NKAIN2: variants seen among roughly 807,000 people sequenced by gnomAD.
The protein encoded by NKAIN2 is sodium/potassium transporting ATPase interacting 2.
In NKAIN2, 14 loss-of-function variants were observed where a neutral mutation model predicts 32.6. The ratio of observed to expected loss-of-function variants is 0.43; its 90% CI spans 0.28 to 0.67. NKAIN2 has a LOEUF of 0.67. Ranked by LOEUF, NKAIN2 falls within the 30% of genes least tolerant of loss-of-function variation. The pLI, the probability that NKAIN2 is intolerant of heterozygous loss-of-function variation, is 0.17. For missense variants in NKAIN2, 198 were observed against 258.3 expected (o/e 0.77, Z 1.60); for synonymous variants, 80 against 87.2 (o/e 0.92, Z 0.46).
chr6:124,413,588 C>G (rs1001793990), intron 3 of NKAIN2, among the ~76,000 whole-genome samples: 4 of 152,192 alleles, frequency 2.6e-5, no homozygotes, highest in East Asian at 1.9e-4. Flanking sequence ...CTCAAAATAT[C>G]TTGCTGGGAT....
intron 3 of NKAIN2, among the ~76,000 whole-genome samples, chr6:124,492,596 T>C (rs541957725): frequency 1.0e-3 from 158 of 152,058 alleles, no homozygotes; most frequent in Middle Eastern, 3.4e-3. Context: ...TTATAACTGA[T>C]AAATAATATG....
chr6:124,186,182 A>AAAGGAAGG (rs796824897), intron 1 of NKAIN2, among the ~76,000 whole-genome samples: 1 of 147,912 alleles, frequency 6.8e-6, no homozygotes, highest in Non-Finnish European at 1.5e-5. Flanking sequence ...GGAAAGAAAG[A>AAAGGAAGG]AAGGAAGGAA....
At chr6:124,026,081 C>G (rs1781097417) in intron 1 of NKAIN2, among the ~76,000 whole-genome samples, 1 of 152,148 alleles carries the variant, frequency 6.6e-6, no homozygotes, top group African/African-American at 2.4e-5. Flanking sequence ...CATTAGATCC[C>G]ACCCCTTATT....
At chr6:124,378,929 A>G (rs995862564) in intron 3 of NKAIN2, among the ~76,000 whole-genome samples, 1 of 139,074 alleles carries the variant, frequency 7.2e-6, no homozygotes, top group African/African-American at 2.7e-5. Flanking sequence ...CTGACTCTAC[A>G]TTTTTTTTTT....
chr6:124,055,977 C>T (rs1782626815), intron 1 of NKAIN2, among the ~76,000 whole-genome samples: 1 of 152,064 alleles, frequency 6.6e-6, no homozygotes, highest in Non-Finnish European at 1.5e-5. Flanking sequence ...TCTCCTATCT[C>T]CAGAGAGCAG....
At chr6:124,311,110 A>G (rs1188314337) in intron 2 of NKAIN2, among the ~76,000 whole-genome samples, 3 of 151,976 alleles carry the variant, frequency 2.0e-5, no homozygotes. Flanking sequence ...ATTAGGAGAG[A>G]TTTTAATATG....
At chr6:124,367,451 G>A (rs560860444) in intron 3 of NKAIN2, among the ~76,000 whole-genome samples, 4 of 152,174 alleles carry the variant, frequency 2.6e-5, no homozygotes, top group East Asian at 3.9e-4. Context: ...CATCTCTCAC[G>A]TCGATTCCAG....
At chr6:124,416,688 A>G (rs911120276) in intron 3 of NKAIN2, among the ~76,000 whole-genome samples, 1 of 152,148 alleles carries the variant, frequency 6.6e-6, no homozygotes, top group Non-Finnish European at 1.5e-5. Flanking sequence ...GATATAGTGA[A>G]GAGTCATGAC....
intron 4 of NKAIN2, among the ~76,000 whole-genome samples, chr6:124,692,113 A>C (rs1002281016): frequency 3.9e-5 from 6 of 152,228 alleles, no homozygotes; most frequent in African/African-American, 1.4e-4. Flanking sequence ...TACATGTATT[A>C]ATATGTTTTA....
At chr6:124,380,420 G>A (rs991186779) in intron 3 of NKAIN2, among the ~76,000 whole-genome samples, 3 of 152,130 alleles carry the variant, frequency 2.0e-5, no homozygotes, top group Admixed American at 2.0e-4. Context: ...TCTCACCAGT[G>A]GAATACTAGC....
chr6:124,083,538 T>C (rs1034362461), intron 1 of NKAIN2, among the ~76,000 whole-genome samples: 47 of 151,952 alleles, frequency 3.1e-4, no homozygotes, highest in African/African-American at 9.6e-4. Context: ...TAGCAATGGC[T>C]GTTTCATCAA....
chr6:124,308,892 A>T (rs1415070533), intron 2 of NKAIN2, among the ~76,000 whole-genome samples: 1 of 152,194 alleles, frequency 6.6e-6, no homozygotes, highest in Non-Finnish European at 1.5e-5. Flanking sequence ...ATACCAAAGG[A>T]TTTAAAATGG....
chr6:124,584,372 C>T (rs965875501), intron 3 of NKAIN2, among the ~76,000 whole-genome samples: 1 of 152,196 alleles, frequency 6.6e-6, no homozygotes, highest in East Asian at 1.9e-4. Context: ...ACATATAAGG[C>T]CAGGCATGGT....
intron 1 of NKAIN2, among the ~76,000 whole-genome samples, chr6:124,108,960 A>G (rs960663718): frequency 6.6e-6 from 1 of 152,032 alleles, no homozygotes; most frequent in Non-Finnish European, 1.5e-5. Flanking sequence ...GTATTTTGGA[A>G]TCAGTAAGTA....
intron 4 of NKAIN2, among the ~76,000 whole-genome samples, chr6:124,671,206 TTC>T (rs1773083227): frequency 6.6e-6 from 1 of 152,048 alleles, no homozygotes. Context: ...GAAGCTGATT[TTC>T]TCTCTTTTTT....
intron 1 of NKAIN2, among the ~76,000 whole-genome samples, chr6:124,210,053 T>G (rs1791090896): frequency 6.6e-6 from 1 of 150,572 alleles, no homozygotes; most frequent in African/African-American, 2.4e-5. Flanking sequence ...TTCCCTGATG[T>G]TTTTTTTTCA....
At chr6:124,326,788 G>T (rs1437011385) in intron 2 of NKAIN2, among the ~76,000 whole-genome samples, 2 of 152,112 alleles carry the variant, frequency 1.3e-5, no homozygotes, top group African/African-American at 4.8e-5. Context: ...ATGTAAATAT[G>T]TCACATACAA....
chr6:124,314,635 A>G (rs902014359), intron 2 of NKAIN2, among the ~76,000 whole-genome samples: 12 of 152,214 alleles, frequency 7.9e-5, no homozygotes, highest in Non-Finnish European at 1.5e-4. Context: ...GGGCCTTTCT[A>G]TCCATACCTT....
chr6:123,872,382 G>A (rs151085140), intron 1 of NKAIN2, among the ~76,000 whole-genome samples: 20 of 152,326 alleles, frequency 1.3e-4, no homozygotes, highest in African/African-American at 4.6e-4. Flanking sequence ...GTTTACAACC[G>A]TGTGCATTTT....
Sources: allele counts gnomAD v4.1 joint callset (sites outside exome capture counted in the v4.1 genomes callset), GRCh38; gene constraint gnomAD v4.1.1; transcripts MANE v1.5; gene names NCBI Gene and HGNC (gene_info 2026-07-23, HGNC 2026-07-21).